Variants in SMAD7 observed in about 807,000 individuals in gnomAD.
SMAD7 encodes SMAD family member 7.
A neutral mutation model predicts 38.7 loss-of-function variants in SMAD7; 8 were observed. That is an observed-to-expected ratio of 0.21 (90% confidence interval 0.12 to 0.37). The LOEUF (loss-of-function observed/expected upper bound fraction) is 0.37, where lower values mean the gene tolerates loss of function less well. SMAD7 is among the 10% of genes least tolerant of loss of function. The pLI, the probability that SMAD7 is intolerant of heterozygous loss-of-function variation, is 1.00. For synonymous variants in SMAD7, 327 were observed against 265.1 expected (o/e 1.23, Z -2.27); for missense variants, 477 against 577.9 (o/e 0.83, Z 1.79).
intron 2 of SMAD7, among the ~76,000 whole-genome samples, chr18:48,945,399 T>G (rs1264781397): frequency 5.9e-5 from 9 of 151,846 alleles, no homozygotes; most frequent in Non-Finnish European, 7.4e-5. Context: ...GAGGTGGAGC[T>G]TGCAGTGAGC....
chr18:48,949,006 T>C (rs2070230333), intron 1 of SMAD7, among the ~76,000 whole-genome samples: 1 of 152,030 alleles, frequency 6.6e-6, no homozygotes, highest in Admixed American at 6.5e-5. Flanking sequence ...AAGGAAGGAA[T>C]GGAGAAAGCT....
At position 48,950,617 on chromosome 18, in the gene SMAD7, GGC is replaced by G; in HGVS notation, c.-195_-194del. On this transcript the variant is annotated 5_prime_UTR_variant, in exon 1 of 4. Transcript: ENST00000262158. Reference sequence around the variant, plus strand: ...CATGCGCCAGTCTCCCGGAGGCCGGGGCGCGCGCGGGGGCCCGGGGGCGCCCG... The same window carrying G: ...CATGCGCCAGTCTCCCGGAGGCCGGGGCGCGCGGGGGCCCGGGGGCGCCCG... The G allele has an allele frequency of 3.4e-6, 1 of 293,024 alleles. No homozygotes were observed. The highest frequency in any genetic ancestry group is 5.9e-6 in the Non-Finnish European group (1 of 170,096). 18.2% of individuals were successfully genotyped at this position (293,024 alleles called of 1,614,324 possible).
intron 3 of SMAD7, among the ~76,000 whole-genome samples, chr18:48,924,526 C>A (rs779888200): frequency 3.3e-5 from 5 of 152,184 alleles, no homozygotes; most frequent in Admixed American, 1.3e-4. Context: ...CTGTGCAGCC[C>A]GCCAGCAATG....
In SMAD7 at chr18:48,921,546, G is replaced by C. The variant is rs199654760; in HGVS notation, c.1107C>G (p.Phe369Leu). ...GCAGGCTGTACGCCTTCTCGTAGTCGAAAGCCTTGATGGAGAAACCGGGGA... is the reference window on the plus strand; with the variant it reads ...GCAGGCTGTACGCCTTCTCGTAGTCCAAAGCCTTGATGGAGAAACCGGGGA... ...KVFPGFSIKA[F>L]DYEKAYSLQR... is the part of the protein sequence containing the mutation. Residue 369 changes from phenylalanine (F) to leucine (L), a missense_variant, in exon 4 of 4, where the codon TTC becomes TTG. Phe to Leu is a conservative substitution (Grantham distance 22). Transcript: ENST00000262158. The surrounding 1 kb of genome is among the most constrained non-coding windows in gnomAD (Gnocchi z 6.4). 1 of 1,614,230 alleles carries C rather than the reference G, an allele frequency of 6.2e-7. No individual in the cohort carries two copies. Among genetic ancestry groups the C allele is most frequent in the African/African-American group, 1.3e-5 (1 of 75,044 alleles).
chr18:48,931,699 A>C (rs1451118017), intron 3 of SMAD7, among the ~76,000 whole-genome samples: 2 of 152,264 alleles, frequency 1.3e-5, no homozygotes, highest in Non-Finnish European at 2.9e-5. Flanking sequence ...TTGGCAGCCA[A>C]GCCCAAGCCC....
chr18:48,943,177 C>T (rs1040801051), intron 2 of SMAD7, among the ~76,000 whole-genome samples: 2 of 152,150 alleles, frequency 1.3e-5, no homozygotes, highest in South Asian at 2.1e-4. Flanking sequence ...AGCAAGGCTC[C>T]GAGCCGGAGG....
At chr18:48,925,048 T>G (rs2069909481) in intron 3 of SMAD7, among the ~76,000 whole-genome samples, 1 of 152,220 alleles carries the variant, frequency 6.6e-6, no homozygotes, top group African/African-American at 2.4e-5. Flanking sequence ...AAGGTCTGTG[T>G]GGACGCTTTG....
intron 3 of SMAD7, among the ~76,000 whole-genome samples, chr18:48,925,438 C>CG (rs996107442): frequency 4.0e-5 from 6 of 151,878 alleles, no homozygotes; most frequent in Admixed American, 6.6e-5. Flanking sequence ...TGTTGCCCCC[C>CG]CCCAACCTTC....
intron 3 of SMAD7, among the ~76,000 whole-genome samples, chr18:48,940,546 T>G (rs1251395288): frequency 1.3e-5 from 2 of 150,292 alleles, no homozygotes; most frequent in Non-Finnish European, 3.0e-5. Context: ...AGGTCAGGAG[T>G]TCAAGACCAG....
chr18:48,950,536 G>T lies in SMAD7; in HGVS notation c.-112C>A. ...GTTGGGGCAGCAGGCGCAGGCGACAGCAGCAGCAGCAGGGGCCCGGGCAGG... is the reference window on the plus strand; with the variant it reads ...GTTGGGGCAGCAGGCGCAGGCGACATCAGCAGCAGCAGGGGCCCGGGCAGG... On this transcript the variant is annotated 5_prime_UTR_variant, in exon 1 of 4. In the 5' UTR this introduces an upstream ATG that the reference lacks. Coordinates refer to ENST00000262158, the MANE Select transcript of SMAD7 (RefSeq NM_005904.4). The T allele has an allele frequency of 2.3e-6, 2 of 851,778 alleles. No individual in the cohort carries two copies. The highest frequency in any genetic ancestry group is 3.3e-6 in the Non-Finnish European group (2 of 610,434). The allele number at this position is 851,778 out of a possible 1,614,324, so 52.8% of individuals were successfully genotyped here.
At chr18:48,924,520 G>A (rs1003661290) in intron 3 of SMAD7, among the ~76,000 whole-genome samples, 6 of 152,206 alleles carry the variant, frequency 3.9e-5, no homozygotes, top group Admixed American at 3.9e-4. Context: ...TTTCATCTGT[G>A]CAGCCCGCCA....
intron 3 of SMAD7, among the ~76,000 whole-genome samples, chr18:48,937,539 G>A (rs989054719): frequency 6.6e-6 from 1 of 152,110 alleles, no homozygotes; most frequent in Non-Finnish European, 1.5e-5. Flanking sequence ...ATTCTTTCCA[G>A]GACAAAAGGG....
At position 48,950,034 on chromosome 18, in the gene SMAD7, G is replaced by A. The variant is rs1211930974; in HGVS notation, c.391C>T (p.Arg131Cys). ...TRTACLLLPG[R>C]LDCRLGPGAP... is the part of the protein sequence containing the mutation. ...CCCGGGCCCAGCCTGCAGTCCAGGC[G>A]GCCGGGCAGCAGGAGGCACGCGGTG... Residue 131 changes from arginine to cysteine, a missense_variant, in exon 1 of 4, where the codon CGC (arginine) becomes TGC (cysteine). Around this residue, in one of 2 missense-constraint regions of SMAD7, gnomAD observed 376 missense variants for 379.4 expected, o/e 0.99. Transcript: ENST00000262158. 15 of 1,457,310 alleles carry A rather than the reference G, an allele frequency of 1.0e-5. No homozygotes were observed. Among genetic ancestry groups the A allele is most frequent in the Non-Finnish European group, 1.4e-5 (15 of 1,107,952 alleles). 90.3% of individuals were successfully genotyped at this position (1,457,310 alleles called of 1,614,324 possible).
intron 3 of SMAD7, among the ~76,000 whole-genome samples, chr18:48,939,669 C>G (rs1248492775): frequency 6.6e-6 from 1 of 151,922 alleles, no homozygotes; most frequent in Non-Finnish European, 1.5e-5. Context: ...CGACCTTCCT[C>G]CCACCCTAAA....
In SMAD7 at chr18:48,946,294, A is replaced by G. The variant is rs1282144071; in HGVS notation, c.667+2090T>C. Among the ~76,000 whole-genome samples the G allele has an allele frequency of 2.0e-5, 3 of 152,228 alleles. No individual in the cohort carries two copies. In the East Asian group the frequency reaches 5.8e-4, roughly 29 times the overall value. ...AGAAACTGAAGAATGTAAATGGTCCATGTAGATTCCCGGGCCAAACATTCT... is the reference window on the plus strand; with the variant it reads ...AGAAACTGAAGAATGTAAATGGTCCGTGTAGATTCCCGGGCCAAACATTCT... On this transcript the variant is annotated intron_variant, in intron 2 of 3. Coordinates refer to ENST00000262158, the MANE Select transcript of SMAD7 (RefSeq NM_005904.4).
At position 48,950,278 on chromosome 18, in the gene SMAD7, C is replaced by T. The variant is rs368427729; in HGVS notation, c.147G>A (p.Gly49=). The change falls in exon 1 of 4, where the codon GGG becomes GGA. Residue 49 remains glycine, a synonymous_variant. Coordinates refer to ENST00000262158, the MANE Select transcript of SMAD7 (RefSeq NM_005904.4). ...GEGATDSRAH[G]AGGGGPGRAG... ...CCCTGCCCGGGCCGCCGCCACCGGC[C>T]CCATGCGCTCGGCTGTCCGTCGCCC... 6.2e-3 allele frequency: 9,451 copies of T among 1,526,888 alleles called. 132 individuals are homozygous for T. Among genetic ancestry groups the T allele is most frequent in the South Asian group, 0.041 (3,378 of 82,506 alleles). The allele number at this position is 1,526,888 out of a possible 1,614,324, so 94.6% of individuals were successfully genotyped here.
In SMAD7 at chr18:48,941,843, C is replaced by T. The variant is rs559051166; in HGVS notation, c.742+638G>A. Among the ~76,000 whole-genome samples the T allele has an allele frequency of 2.0e-4, 30 of 152,340 alleles. No individual in the cohort carries two copies. The South Asian group carries it at 6.2e-3, about 32-fold the overall frequency. Reference sequence around the variant, plus strand: ...GTCAGCCAGCCCCGTGACCCCCCAGCACTGGCATTCCAGGCCTTCACGCAT... The same window carrying T: ...GTCAGCCAGCCCCGTGACCCCCCAGTACTGGCATTCCAGGCCTTCACGCAT... On this transcript the variant is annotated intron_variant, in intron 3 of 3. Coordinates refer to ENST00000262158, the MANE Select transcript of SMAD7 (RefSeq NM_005904.4).
At chr18:48,934,342 G>T (rs557247551) in intron 3 of SMAD7, among the ~76,000 whole-genome samples, 6 of 152,158 alleles carry the variant, frequency 3.9e-5, no homozygotes, top group African/African-American at 1.4e-4. Context: ...AAACACGAAG[G>T]CAGCCCTGAG....
At chr18:48,940,796 C>T (rs1022425837) in intron 3 of SMAD7, among the ~76,000 whole-genome samples, 16 of 144,390 alleles carry the variant, frequency 1.1e-4, no homozygotes, top group African/African-American at 4.2e-4. Flanking sequence ...GGCGACAGAG[C>T]GAGACTTTGT....
Sources: gnomAD v4.1 joint callset for allele counts (sites outside exome capture counted in the v4.1 genomes callset) on GRCh38, gnomAD v4.1.1 for gene constraint, gnomAD v4.1.1 regional missense constraint, Gnocchi (gnomAD v3.1) non-coding constraint, MANE v1.5 for transcripts, NCBI Gene and HGNC (gene_info 2026-07-23, HGNC 2026-07-21) for gene names.